The following CELF2 variants were observed in gnomAD, a reference collection of about 807,000 sequenced individuals.
The protein encoded by CELF2 is CUG triplet repeat RNA-binding protein 2.
A neutral mutation model predicts 62.6 loss-of-function variants in CELF2; 8 were observed. That is an observed-to-expected ratio of 0.13 (90% CI 0.07 to 0.23). The LOEUF (loss-of-function observed/expected upper bound fraction) is 0.23, where lower values mean the gene tolerates loss of function less well. CELF2 is among the 10% of genes least tolerant of loss of function. The probability of loss-of-function intolerance (pLI) is 1.00; values close to 1 mark genes in which losing one functional copy is unlikely to be tolerated. For missense variants in CELF2, 333 were observed against 671.0 expected (o/e 0.50, Z 5.56); for synonymous variants, 258 against 250.0 (o/e 1.03, Z -0.30).
At chr10:10,545,201 G>A in the CELF2 span, among the ~76,000 whole-genome samples, 2 of 152,178 alleles carry the variant, frequency 1.3e-5, no homozygotes, top group Admixed American at 1.3e-4. Context: ...TTACCTTAAA[G>A]TATTCTTTTG....
At position 11,302,802 on chromosome 10, in the gene CELF2, A is replaced by G. The variant is rs1364657549; in HGVS notation, c.977-11337A>G. ...CTCTAAATTGACATGAGATTTTCAC[A>G]TTGTTCCGCTGTGCTGCGGACAGTG... On this transcript the variant is annotated intron_variant, in intron 9 of 12. Coordinates refer to ENST00000633077, the MANE Select transcript of CELF2 (RefSeq NM_001326342.2). The surrounding 1 kb of genome is among the most constrained non-coding windows in gnomAD (Gnocchi z 5.0). Among the ~76,000 whole-genome samples, 2 of 152,164 alleles carry G rather than the reference A, an allele frequency of 1.3e-5. No individual in the cohort carries two copies. Among genetic ancestry groups the G allele is most frequent in the Non-Finnish European group, 2.9e-5 (2 of 68,030 alleles).
At chr10:10,726,333 C>T in the CELF2 span, among the ~76,000 whole-genome samples, 1 of 152,174 alleles carries the variant, frequency 6.6e-6, no homozygotes, top group Non-Finnish European at 1.5e-5. Context: ...TTCTGCCTTT[C>T]TAGATTGTGC....
At chr10:10,560,482 A>T in the CELF2 span, among the ~76,000 whole-genome samples, 7 of 152,084 alleles carry the variant, frequency 4.6e-5, no homozygotes, top group African/African-American at 1.7e-4. Flanking sequence ...ATATTCTCAG[A>T]TCCATCCTAC....
chr10:10,561,357 T>C, the CELF2 span, among the ~76,000 whole-genome samples: 1 of 152,138 alleles, frequency 6.6e-6, no homozygotes, highest in South Asian at 2.1e-4. Context: ...TAAGCTCCTA[T>C]GTGTTGGAAA....
At chr10:10,661,512 T>C in the CELF2 span, among the ~76,000 whole-genome samples, 2 of 152,224 alleles carry the variant, frequency 1.3e-5, no homozygotes, top group African/African-American at 4.8e-5. Flanking sequence ...GTCCAAGGCC[T>C]TTTGAGTTCA....
chr10:10,652,059 G>C, the CELF2 span, among the ~76,000 whole-genome samples: 1 of 147,702 alleles, frequency 6.8e-6, no homozygotes, highest in African/African-American at 2.5e-5. Context: ...TAAGGCTCGA[G>C]AACTACGTGA....
chr10:11,311,496 A>G lies in CELF2; in HGVS notation c.977-2643A>G, dbSNP rs544171870. ...CCAAGCACCAAGAGTGAGAAATAGC[A>G]GGGACATTATTAGACACCACCATTA... On this transcript the variant is annotated intron_variant, in intron 9 of 12. Coordinates refer to ENST00000633077, the MANE Select transcript of CELF2 (RefSeq NM_001326342.2). This position sits in a 1 kb window ranked among gnomAD's most constrained non-coding sequence, Gnocchi z 4.7. 2.6e-5 allele frequency among the ~76,000 whole-genome samples: 4 copies of G among 152,354 alleles called. No individual in the cohort carries two copies. The East Asian group carries it at 5.8e-4, about 22-fold the overall frequency.
chr10:11,320,164 A>G (rs930473983), intron 10 of CELF2, among the ~76,000 whole-genome samples: 1 of 152,202 alleles, frequency 6.6e-6, no homozygotes, highest in African/African-American at 2.4e-5. Flanking sequence ...TCCTGAGTTG[A>G]TATGAAAGTT....
rs996458849 is a variant in CELF2, at chr10:11,157,657, A to G, written c.75-7829A>G. Among the ~76,000 whole-genome samples, 5 of 152,200 alleles carry G rather than the reference A, an allele frequency of 3.3e-5. No homozygotes were observed. Among genetic ancestry groups the G allele is most frequent in the African/African-American group, 1.2e-4 (5 of 41,444 alleles). ...CAGCTCTCTCACCTTCAAACCTACC[A>G]CTGTGCCTGACATAAAGCAGATATT... On this transcript the variant is annotated intron_variant, in intron 1 of 12. Transcript: ENST00000633077. The surrounding 1 kb of genome is among the most constrained non-coding windows in gnomAD (Gnocchi z 4.9).
the CELF2 span, among the ~76,000 whole-genome samples, chr10:10,790,939 C>A: frequency 1.3e-5 from 2 of 152,132 alleles, no homozygotes; most frequent in African/African-American, 4.8e-5. Context: ...CACCCACAAA[C>A]TACAATCATC....
the CELF2 span, among the ~76,000 whole-genome samples, chr10:10,589,598 A>G: frequency 9.2e-5 from 14 of 152,144 alleles, no homozygotes; most frequent in Admixed American, 4.6e-4. Flanking sequence ...ATTTGAGAGA[A>G]TGTGAAAATG....
chr10:11,131,349 G>A (rs191987046), intron 1 of CELF2, among the ~76,000 whole-genome samples: 33 of 152,280 alleles, frequency 2.2e-4, no homozygotes, highest in African/African-American at 7.5e-4. Context: ...TCAGTCACTC[G>A]AGGAAAGGTG....
chr10:11,183,811 A>G (rs1164033015), intron 2 of CELF2, among the ~76,000 whole-genome samples: 1 of 152,214 alleles, frequency 6.6e-6, no homozygotes, highest in East Asian at 1.9e-4. Context: ...AGTTCTGGAT[A>G]TGCTCTTTGA....
chr10:11,226,314 A>C (rs1178159744), intron 3 of CELF2, among the ~76,000 whole-genome samples: 2 of 152,254 alleles, frequency 1.3e-5, no homozygotes, highest in Non-Finnish European at 2.9e-5. Flanking sequence ...GGGTAGAACC[A>C]GTATGTCTGG....
At chr10:11,065,915 C>G (rs2068012855) in intron 1 of CELF2, among the ~76,000 whole-genome samples, 1 of 152,132 alleles carries the variant, frequency 6.6e-6, no homozygotes, top group South Asian at 2.1e-4. Flanking sequence ...GAAAGAAAAC[C>G]AGGAAGCCAC....
chr10:10,918,145 A>G (rs994668584), intron 1 of CELF2, among the ~76,000 whole-genome samples: 3 of 152,234 alleles, frequency 2.0e-5, no homozygotes, highest in Non-Finnish European at 4.4e-5. Context: ...TGTCGGTCTC[A>G]AATGACAGAA....
At chr10:10,659,567 T>C in the CELF2 span, among the ~76,000 whole-genome samples, 1 of 152,172 alleles carries the variant, frequency 6.6e-6, no homozygotes, top group Non-Finnish European at 1.5e-5. Context: ...TGGTGAATTT[T>C]CTAGTTCATA....
In CELF2 at chr10:10,981,119, G is replaced by C. The variant is rs558108458; in HGVS notation, c.89+61120G>C. Among the ~76,000 whole-genome samples, 32 of 152,232 alleles carry C rather than the reference G, an allele frequency of 2.1e-4. No individual in the cohort carries two copies. The South Asian group carries it at 6.4e-3, about 31-fold the overall frequency. ...GAAGTCCCAGAGTCTATATAGAGTAGGTGCCCAATAAATATAACTGAATGA... is the reference window on the plus strand; with the variant it reads ...GAAGTCCCAGAGTCTATATAGAGTACGTGCCCAATAAATATAACTGAATGA... On this transcript the variant is annotated intron_variant, in intron 2 of 13. Transcript: ENST00000636488.
At chr10:11,249,052 G>A (rs1370778984) in intron 3 of CELF2, 101 bp from the exon 4 acceptor site, 2 of 882,620 alleles carry the variant, frequency 2.3e-6, no homozygotes, top group South Asian at 1.4e-5. Context: ...TGTCACTTAT[G>A]TGCCCTTAAA....
Sources: gnomAD v4.1 joint callset for allele counts (sites outside exome capture counted in the v4.1 genomes callset) on GRCh38, gnomAD v4.1.1 for gene constraint, Gnocchi (gnomAD v3.1) non-coding constraint, MANE v1.5 for transcripts, NCBI Gene and HGNC (gene_info 2026-07-23, HGNC 2026-07-21) for gene names.